The following FRMD3 variants were observed in gnomAD, a reference collection of about 807,000 sequenced individuals.
The protein encoded by FRMD3 is FERM domain containing 3, also known as FERM domain-containing protein 3.
Under a neutral mutation model 70.2 loss-of-function variants are expected in FRMD3, and 33 were observed. The ratio of observed to expected loss-of-function variants is 0.47; its 90% CI spans 0.36 to 0.63. FRMD3 has a LOEUF of 0.63. Among genes scored for constraint, FRMD3 ranks in the 20% least tolerant of loss-of-function variants. FRMD3 has a pLI of 0.00. For synonymous variants in FRMD3, 279 were observed against 255.9 expected (o/e 1.09, Z -0.86); for missense variants, 632 against 711.4 (o/e 0.89, Z 1.27).
intron 12 of FRMD3, among the ~76,000 whole-genome samples, chr9:83,292,348 C>T (rs576783727): frequency 4.0e-5 from 6 of 151,690 alleles, no homozygotes; most frequent in Non-Finnish European, 7.4e-5. Context: ...TTAGTAGAGA[C>T]GGGGTTCACT....
At chr9:83,490,798 T>TCACACACACACACA (rs60065758) in intron 1 of FRMD3, among the ~76,000 whole-genome samples, 1 of 110,716 alleles carries the variant, frequency 9.0e-6, no homozygotes, top group South Asian at 3.6e-4. Context: ...TCTCTCTCTC[T>TCACACACACACACA]CACACACACA....
intron 3 of FRMD3, among the ~76,000 whole-genome samples, chr9:83,368,414 C>T (rs1035498781): frequency 6.6e-6 from 1 of 152,084 alleles, no homozygotes; most frequent in Non-Finnish European, 1.5e-5. Flanking sequence ...TCACTGCAAG[C>T]TCCGCCTCCT....
At chr9:83,483,808 T>C (rs887965014) in intron 1 of FRMD3, among the ~76,000 whole-genome samples, 1 of 152,114 alleles carries the variant, frequency 6.6e-6, no homozygotes, top group African/African-American at 2.4e-5. Flanking sequence ...TGCAGTGTGC[T>C]GTGATCATAT....
chr9:83,515,783 C>T (rs1393913125), intron 1 of FRMD3, among the ~76,000 whole-genome samples: 1 of 152,168 alleles, frequency 6.6e-6, no homozygotes, highest in African/African-American at 2.4e-5. Flanking sequence ...GGCAGAAACC[C>T]CACAAGCCAG....
chr9:83,487,997 C>T (rs1013697786), intron 1 of FRMD3, among the ~76,000 whole-genome samples: 8 of 152,148 alleles, frequency 5.3e-5, no homozygotes, highest in South Asian at 2.1e-4. Context: ...AAAGACTACA[C>T]GTTTACCAAT....
chr9:83,523,209 T>TGGAC (rs1829617649), intron 1 of FRMD3, among the ~76,000 whole-genome samples: 1 of 144,444 alleles, frequency 6.9e-6, no homozygotes, highest in African/African-American at 2.8e-5. Context: ...GACGGACGGA[T>TGGAC]GGATAGATTT....
At chr9:83,269,716 A>C (rs1833461611) in intron 13 of FRMD3, among the ~76,000 whole-genome samples, 1 of 152,174 alleles carries the variant, frequency 6.6e-6, no homozygotes, top group African/African-American at 2.4e-5. Context: ...CTCAAAAAAC[A>C]AAAGTATTAT....
intron 1 of FRMD3, among the ~76,000 whole-genome samples, chr9:83,431,657 T>C (rs1440055820): frequency 2.6e-5 from 4 of 152,322 alleles, no homozygotes; most frequent in Non-Finnish European, 2.9e-5. Flanking sequence ...GGTATAAAGG[T>C]GTCAAAAGTG....
chr9:83,369,453 G>C (rs373973035), intron 3 of FRMD3, among the ~76,000 whole-genome samples: 1 of 152,008 alleles, frequency 6.6e-6, no homozygotes, highest in Non-Finnish European at 1.5e-5. Context: ...GCACGTGCCT[G>C]TAATCCCAGC....
At position 83,362,733 on chromosome 9, in the gene FRMD3, T is replaced by TTCCTTCCTTCCTTCTC. The variant is rs1322808212; in HGVS notation, c.295+10164_295+10179dup. 4.7e-3 allele frequency among the ~76,000 whole-genome samples: 703 copies of TTCCTTCCTTCCTTCTC among 149,882 alleles called. 32 individuals are homozygous for TTCCTTCCTTCCTTCTC. The highest frequency in any genetic ancestry group is 0.017 in the African/African-American group (671 of 39,384). On this transcript the variant is annotated intron_variant, in intron 3 of 13. Transcript: ENST00000304195. ...CATGCTTAATGCATATGCATCCTGCTTCCTTCCTTCCTTCTCTCCTTCCTT... is the reference window on the plus strand; with the variant it reads ...CATGCTTAATGCATATGCATCCTGCTTCCTTCCTTCCTTCTCTCCTTCCTTCCTTCTCTCCTTCCTT...
chr9:83,299,264 G>C (rs779159202), intron 10 of FRMD3, 78 bp from the exon 11 acceptor site: 1 of 848,042 alleles, frequency 1.2e-6, no homozygotes, highest in African/African-American at 1.7e-5. Context: ...TGTGGTGATG[G>C]GGTATTTTTA....
chr9:83,387,824 A>G (rs1825554520), intron 2 of FRMD3, among the ~76,000 whole-genome samples: 2 of 152,200 alleles, frequency 1.3e-5, no homozygotes, highest in South Asian at 2.1e-4. Context: ...GGCTGCATCA[A>G]AATTAGATTA....
intron 3 of FRMD3, among the ~76,000 whole-genome samples, chr9:83,368,112 A>G (rs1274612809): frequency 6.6e-6 from 1 of 152,162 alleles, no homozygotes; most frequent in African/African-American, 2.4e-5. Flanking sequence ...AGAAAACTAT[A>G]CTGGCATGAA....
chr9:83,381,676 A>G (rs1245722733), intron 2 of FRMD3, among the ~76,000 whole-genome samples: 3 of 152,222 alleles, frequency 2.0e-5, no homozygotes, highest in Non-Finnish European at 4.4e-5. Flanking sequence ...TAACAGCCAG[A>G]AGAAGAAACA....
chr9:83,509,794 C>T (rs1345317114), intron 1 of FRMD3, among the ~76,000 whole-genome samples: 1 of 151,868 alleles, frequency 6.6e-6, no homozygotes, highest in Non-Finnish European at 1.5e-5. Context: ...CGCGCACACA[C>T]ACACACACAC....
intron 1 of FRMD3, among the ~76,000 whole-genome samples, chr9:83,533,509 A>T (rs551167774): frequency 6.6e-5 from 10 of 152,302 alleles, no homozygotes; most frequent in Non-Finnish European, 1.2e-4. Flanking sequence ...CTCACTCAAG[A>T]TCACACAGCT....
chr9:83,559,175 C>T, the FRMD3 span, among the ~76,000 whole-genome samples: 3 of 152,148 alleles, frequency 2.0e-5, no homozygotes, highest in Non-Finnish European at 4.4e-5. Context: ...GCATCAAGTA[C>T]TACAGAGAAA....
chr9:83,306,856 A>C (rs976227017), intron 10 of FRMD3, among the ~76,000 whole-genome samples: 2 of 152,208 alleles, frequency 1.3e-5, no homozygotes, highest in Non-Finnish European at 2.9e-5. Flanking sequence ...GTGAGTATAT[A>C]GTTTCCTTCT....
At position 83,343,192 on chromosome 9, in the gene FRMD3, T is replaced by C; in HGVS notation, c.470A>G (p.Gln157Arg). ...GGGTGAGCTGTGGCCAGACTTACCTTGAACAATACAGGCACCCAGGTAGGC... is the reference window on the plus strand; with the variant it reads ...GGGTGAGCTGTGGCCAGACTTACCTCGAACAATACAGGCACCCAGGTAGGC... ...DAAYLGACIV[Q>R]AELGDYDPDE... Residue 157 changes from glutamine to arginine, a missense_variant and splice_region_variant, in exon 5 of 14, where the codon CAA (glutamine) becomes CGA (arginine). Transcript: ENST00000304195. 1 of 1,611,202 alleles carries C rather than the reference T, an allele frequency of 6.2e-7. No individual in the cohort carries two copies. Among genetic ancestry groups the C allele is most frequent in the Non-Finnish European group, 8.5e-7 (1 of 1,177,450 alleles).
Sources: gnomAD v4.1 joint callset for allele counts (sites outside exome capture counted in the v4.1 genomes callset) on GRCh38, gnomAD v4.1.1 for gene constraint, MANE v1.5 for transcripts, NCBI Gene and HGNC (gene_info 2026-07-23, HGNC 2026-07-21) for gene names.